The following REG3G variants were observed in gnomAD, a reference collection of about 807,000 sequenced individuals.
REG3G encodes regenerating family member 3 gamma, also known as regenerating islet-derived protein 3-gamma.
A neutral mutation model predicts 20.9 loss-of-function variants in REG3G; 19 were observed. The ratio of observed to expected loss-of-function variants is 0.91; its 90% confidence interval spans 0.64 to 1.34. The LOEUF is 1.34. Ranked by LOEUF, REG3G falls within the 40% of genes most tolerant of loss-of-function variation. The pLI is 0.00. For synonymous variants in REG3G, 89 were observed against 77.4 expected (o/e 1.15, Z -0.79); for missense variants, 235 against 205.0 (o/e 1.15, Z -0.89).
At position 79,027,168 on chromosome 2, in the gene REG3G, A is replaced by C; in HGVS notation, c.330A>C (p.Thr110=). ...SYIWIGLHDP[T]QGSEPDGDGW... The stretch of plus-strand genomic sequence containing the variant: ...TCTGGATTGGGCTCCATGACCCCAC[A>C]CAGGTGCGAGTATATCCTCCCCTCT... The change falls in exon 4 of 6, where the codon ACA becomes ACC. Residue 110 remains threonine, a synonymous_variant. Transcript: ENST00000272324. 1 of 1,613,754 alleles carries C rather than the reference A, an allele frequency of 6.2e-7. No individual in the cohort carries two copies. Among genetic ancestry groups the C allele is most frequent in the Non-Finnish European group, 8.5e-7 (1 of 1,179,744 alleles).
chr2:79,025,775 T>G lies in REG3G; in HGVS notation c.-112+2T>G. The G allele has an allele frequency of 1.1e-5, 3 of 279,074 alleles. No individual in the cohort carries two copies. Among genetic ancestry groups the G allele is most frequent in the African/African-American group, 2.2e-5 (1 of 45,496 alleles). The allele number at this position is 279,074 out of a possible 1,614,324, so 17.3% of individuals were successfully genotyped here. A position where few individuals can be genotyped will look rare whatever the true frequency, so the allele number is the denominator to read the frequency against. ...AGCATACCAGATCTCACCAGAGAGGTAAGTGGGAGCTGAGAGAAGATGAGA... is the reference window on the plus strand; with the variant it reads ...AGCATACCAGATCTCACCAGAGAGGGAAGTGGGAGCTGAGAGAAGATGAGA... On this transcript the variant is annotated splice_donor_variant, in intron 1 of 5. Coordinates refer to ENST00000272324, the MANE Select transcript of REG3G (RefSeq NM_001008387.3). LOFTEE classifies it low-confidence loss of function (5UTR_SPLICE).
chr2:79,028,099 C>T, intron 5 of REG3G, 110 bp from the exon 6 acceptor site: 3 of 1,271,098 alleles, frequency 2.4e-6, no homozygotes, highest in Non-Finnish European at 3.4e-6. Context: ...GATTGAGAAA[C>T]TGGTGAAGAT....
chr2:79,026,270 C>T, intron 2 of REG3G, 101 bp downstream of exon 2: 1 of 1,155,750 alleles, frequency 8.7e-7, no homozygotes, highest in Non-Finnish European at 1.3e-6. Context: ...GACGTGGTGT[C>T]TAATGAAACT....
chr2:79,026,327 G>A (rs1191517486), intron 2 of REG3G, 158 bp downstream of exon 2: 8 of 717,638 alleles, frequency 1.1e-5, no homozygotes, highest in Non-Finnish European at 1.9e-5. Context: ...TTAACTTGCA[G>A]TGGGAGGCTC....
intron 5 of REG3G, 93 bp downstream of exon 5, chr2:79,028,026 C>T: frequency 2.6e-6 from 4 of 1,526,748 alleles, no homozygotes. Flanking sequence ...CTAGGTAATG[C>T]AGTGTTTATG....
intron 5 of REG3G, 124 bp from the exon 6 acceptor site, chr2:79,028,085 C>T (rs1368802332): frequency 7.9e-7 from 1 of 1,271,206 alleles, no homozygotes; most frequent in Non-Finnish European, 1.1e-6. Flanking sequence ...GTCTCATTCT[C>T]CTGGATTGAG....
rs1671681990 is a variant in REG3G, at chr2:79,028,455, C to T, written c.*179C>T. On this transcript the variant is annotated 3_prime_UTR_variant, in exon 6 of 6. Transcript: ENST00000272324. ...TTCATTTCAGGCTTTTCTCTGTCTT[C>T]CATGTCTTGAGATCTCAGAGAATAA... 3.6e-6 allele frequency: 2 copies of T among 551,428 alleles called. No homozygotes were observed. Among genetic ancestry groups the T allele is most frequent in the African/African-American group, 1.9e-5 (1 of 52,936 alleles). 34.2% of individuals were successfully genotyped at this position (551,428 alleles called of 1,614,324 possible).
chr2:79,027,642 G>A (rs1671658327), intron 4 of REG3G, among the ~76,000 whole-genome samples, 165 bp from the exon 5 acceptor site: 1 of 152,178 alleles, frequency 6.6e-6, no homozygotes, highest in African/African-American at 2.4e-5. Context: ...AAAGCAATGA[G>A]GAGTTAAGGA....
chr2:79,026,752 G>A lies in REG3G; in HGVS notation c.116G>A (p.Ser39Asn), dbSNP rs1330592964. The change falls in exon 3 of 6, where the codon AGC (serine) becomes AAC (asparagine). Residue 39 changes from serine to asparagine, a missense_variant. Physicochemically the swap from Ser to Asn is conservative, Grantham distance 46 (BLOSUM62 1). Transcript: ENST00000272324. ...AAGGAACTGCCCTCTCCACGGATCA[G>A]CTGTCCCAAAGGCTCCAAGGCCTAT... ...TQKELPSPRI[S>N]CPKGSKAYGS... The A allele has an allele frequency of 6.2e-7, 1 of 1,613,894 alleles. No individual in the cohort carries two copies. The highest frequency in any genetic ancestry group is 8.5e-7 in the Non-Finnish European group (1 of 1,179,940).
Position 79,027,904 on chromosome 2 carries a change from G to A in REG3G, c.431G>A (p.Gly144Asp). Residue 144 changes from glycine to aspartate, a missense_variant, in exon 5 of 6, where the codon GGC becomes GAC. By Grantham distance (94) the Gly-to-Asp change is moderately conservative (BLOSUM62 -1). Transcript: ENST00000272324. ...AATCCCTCCACCATCTTAAACCCTGGCCACTGTGGGAGCCTGTCAAGAAGC... is the reference window on the plus strand; with the variant it reads ...AATCCCTCCACCATCTTAAACCCTGACCACTGTGGGAGCCTGTCAAGAAGC... ...EKNPSTILNPGHCGSLSRSTG... is the reference protein window; with the variant it reads ...EKNPSTILNPDHCGSLSRSTG... The A allele has an allele frequency of 6.2e-7, 1 of 1,614,004 alleles. No individual in the cohort carries two copies. Among genetic ancestry groups the A allele is most frequent in the South Asian group, 1.1e-5 (1 of 91,072 alleles).
Position 79,026,762 on chromosome 2 carries a change from A to G in REG3G, c.126A>G (p.Lys42=). The G allele has an allele frequency of 1.2e-6, 2 of 1,613,904 alleles. No individual in the cohort carries two copies. The highest frequency in any genetic ancestry group is 3.3e-5 in the Admixed American group (2 of 60,000). ...CCTCTCCACGGATCAGCTGTCCCAA[A>G]GGCTCCAAGGCCTATGGCTCCCCCT... is the stretch of plus-strand genomic sequence containing the variant. ...ELPSPRISCP[K]GSKAYGSPCY... Residue 42 remains lysine, a synonymous_variant, in exon 3 of 6, where the codon AAA becomes AAG. Coordinates refer to ENST00000272324, the MANE Select transcript of REG3G (RefSeq NM_001008387.3).
At position 79,028,426 on chromosome 2, in the gene REG3G, C is replaced by A; in HGVS notation, c.*150C>A. The stretch of plus-strand genomic sequence containing the variant: ...ATCCTCCTTCTTTTTCCTTTTTCTT[C>A]ACCTTCATTTCAGGCTTTTCTCTGT... On this transcript the variant is annotated 3_prime_UTR_variant, in exon 6 of 6. Transcript: ENST00000272324. 2 of 574,660 alleles carry A rather than the reference C, an allele frequency of 3.5e-6. No homozygotes were observed. Among genetic ancestry groups the A allele is most frequent in the South Asian group, 2.3e-5 (1 of 43,474 alleles). The allele number at this position is 574,660 out of a possible 1,614,324, so 35.6% of individuals were successfully genotyped here.
At chr2:79,026,677 T>G in intron 2 of REG3G, 36 bp from the exon 3 acceptor site, 1 of 1,521,462 alleles carries the variant, frequency 6.6e-7, no homozygotes, top group Non-Finnish European at 9.1e-7. Context: ...CACCCCCTAC[T>G]CTTCATTTTA....
In REG3G at chr2:79,028,337, T is replaced by A; in HGVS notation, c.*61T>A. 1 of 1,079,608 alleles carries A rather than the reference T, an allele frequency of 9.3e-7. No homozygotes were observed. The highest frequency in any genetic ancestry group is 1.2e-5 in the South Asian group (1 of 80,450). 66.9% of individuals were successfully genotyped at this position (1,079,608 alleles called of 1,614,324 possible). On this transcript the variant is annotated 3_prime_UTR_variant, in exon 6 of 6. Transcript: ENST00000272324. ...CAGCTCATCATGGACATGAGACCAG[T>A]GTGAAGACTCACCCTGGAAGAGAAT...
At chr2:79,026,298 C>T (rs1671618401) in intron 2 of REG3G, 129 bp downstream of exon 2, 5 of 859,530 alleles carry the variant, frequency 5.8e-6, no homozygotes, top group Middle Eastern at 2.3e-4. Flanking sequence ...GTTCCTGCAT[C>T]ATCACTCCTT....
chr2:79,026,648 C>T, intron 2 of REG3G, 65 bp from the exon 3 acceptor site: 1 of 1,323,906 alleles, frequency 7.6e-7, no homozygotes, highest in Non-Finnish European at 1.1e-6. Flanking sequence ...CTAGATATTC[C>T]CCAAGGTCAT....
chr2:79,026,959 C>T, intron 3 of REG3G, 75 bp from the exon 4 acceptor site: 11 of 1,584,302 alleles, frequency 6.9e-6, no homozygotes, highest in Non-Finnish European at 9.5e-6. Flanking sequence ...ACACAGTCCT[C>T]CTCCCACCTA....
chr2:79,027,295 AC>A lies in REG3G; in HGVS notation c.333+125del, dbSNP rs1431860303. On this transcript the variant is annotated intron_variant, in intron 4 of 5. Transcript: ENST00000272324. ...AGCACTGGAGCTCAGATTCTGGGGG[AC>A]ATTTGGGAGAATAGGAAGTCCATGA... 9 of 1,047,818 alleles carry A rather than the reference AC, an allele frequency of 8.6e-6. No homozygotes were observed. In the East Asian group the frequency reaches 1.9e-4, roughly 23 times the overall value. 64.9% of individuals were successfully genotyped at this position (1,047,818 alleles called of 1,614,324 possible).
In REG3G at chr2:79,026,162, G is replaced by A. The variant is rs540582646; in HGVS notation, c.69G>A (p.Gln23=). The part of the protein sequence containing the change: ...MLLSCLILLC[Q]VQGEETQKEL... ...TTTCCTGCCTCATTCTCCTGTGTCA[G>A]GTTCAAGGTGAGATTTCTCTGCCTC... The change falls in exon 2 of 6, where the codon CAG becomes CAA. Residue 23 remains glutamine (Q), a synonymous_variant. Transcript: ENST00000272324. The A allele has an allele frequency of 1.9e-6, 3 of 1,613,896 alleles. No individual in the cohort carries two copies. In the Admixed American group the frequency reaches 5.0e-5, roughly 27 times the overall value.
Sources: gnomAD v4.1 joint callset for allele counts (sites outside exome capture counted in the v4.1 genomes callset) on GRCh38, gnomAD v4.1.1 for gene constraint, MANE v1.5 for transcripts, NCBI Gene and HGNC (gene_info 2026-07-23, HGNC 2026-07-21) for gene names.